Variants in DDR1 observed in about 807,000 individuals in gnomAD.
DDR1 encodes discoidin domain receptor tyrosine kinase 1.
In DDR1, 64 loss-of-function variants were observed where a neutral mutation model predicts 97.4. That is an observed-to-expected ratio of 0.66 (90% CI 0.54 to 0.81). The LOEUF is 0.81. Among genes scored for constraint, DDR1 ranks in the 30% least tolerant of loss-of-function variants. The probability of loss-of-function intolerance (pLI) is 0.00; values close to 1 mark genes in which losing one functional copy is unlikely to be tolerated. For synonymous variants in DDR1, 458 were observed against 503.7 expected, an observed-to-expected ratio of 0.91 and a Z score of 1.21; for missense variants, 990 against 1,259.6, an observed-to-expected ratio of 0.79 and a Z score of 3.24.
At chr6:30,896,904 T>C in intron 13 of DDR1, 39 bp downstream of exon 13, 2 of 1,560,672 alleles carry the variant, frequency 1.3e-6, no homozygotes, top group Non-Finnish European at 1.7e-6. Flanking sequence ...CCCTATTGTG[T>C]GCTCTGATGC....
chr6:30,894,461 T>G lies in DDR1; in HGVS notation c.1348-45T>G, dbSNP rs2150390221. The stretch of plus-strand genomic sequence containing the variant: ...ATGGACACAGCAGAGGGCCAGGCCG[T>G]GTGTGCTGAGCAACACGGGTGATGC... On this transcript the variant is annotated intron_variant, in intron 10 of 17. Coordinates refer to ENST00000376568, the MANE Select transcript of DDR1 (RefSeq NM_001297654.2). This position sits in a 1 kb window ranked among gnomAD's most constrained non-coding sequence, Gnocchi z 5.7. The G allele has an allele frequency of 6.4e-7, 1 of 1,553,318 alleles. No homozygotes were observed. Among genetic ancestry groups the G allele is most frequent in the Non-Finnish European group, 8.7e-7 (1 of 1,146,072 alleles).
intron 12 of DDR1, among the ~76,000 whole-genome samples, chr6:30,895,804 T>C (rs1790547758): frequency 6.6e-6 from 1 of 152,176 alleles, no homozygotes. Flanking sequence ...GAGGTTGCTG[T>C]GGTGGCCCCA....
chr6:30,885,960 G>C, intron 1 of DDR1: 1 of 526,596 alleles, frequency 1.9e-6, no homozygotes. Context: ...GAGTGGAAGG[G>C]GGTGGGATTG....
At chr6:30,885,226 C>T (rs1431857809) in intron 1 of DDR1, 8 of 1,533,282 alleles carry the variant, frequency 5.2e-6, no homozygotes, top group Admixed American at 3.9e-5. Context: ...GAGAATGTCA[C>T]TGCCGGTGAG....
chr6:30,884,165 G>A (rs1784858042), upstream of DDR1: 2 of 152,482 alleles, frequency 1.3e-5, no homozygotes, highest in African/African-American at 4.8e-5. This position sits in a 1 kb window ranked among gnomAD's most constrained non-coding sequence, Gnocchi z 6.1. Context: ...TGGGGAAGCG[G>A]GGGTGGGCTG....
intron 1 of DDR1, among the ~76,000 whole-genome samples, chr6:30,887,417 C>T (rs762529067): frequency 1.2e-4 from 19 of 152,116 alleles, no homozygotes; most frequent in Non-Finnish European, 2.5e-4. Flanking sequence ...TTCATGTTAA[C>T]TCTTGTTATA....
At position 30,896,639 on chromosome 6, in the gene DDR1, T is replaced by G; in HGVS notation, c.1643T>G (p.Met548Arg). 1 of 1,613,612 alleles carries G rather than the reference T, an allele frequency of 6.2e-7. No individual in the cohort carries two copies. Among genetic ancestry groups the G allele is most frequent in the Non-Finnish European group, 8.5e-7 (1 of 1,179,822 alleles). Residue 548 changes from methionine (M) to arginine (R), a missense_variant, in exon 13 of 18, where the codon ATG becomes AGG. Physicochemically the swap from Met to Arg is moderately conservative, Grantham distance 91 (BLOSUM62 -1). Transcript: ENST00000376568. ...CCTGCAGCCTACAGTGGGGACTATATGGAGCCTGAGAAGCCAGGCGCCCCG... is the reference window on the plus strand; with the variant it reads ...CCTGCAGCCTACAGTGGGGACTATAGGGAGCCTGAGAAGCCAGGCGCCCCG... Reference protein sequence around the residue: ...TNTQAYSGDYMEPEKPGAPLL... With the variant: ...TNTQAYSGDYREPEKPGAPLL...
At position 30,889,020 on chromosome 6, in the gene DDR1, A is replaced by G. The variant is rs1348714888; in HGVS notation, c.188+10A>G. 6.2e-7 allele frequency: 1 copy of G among 1,612,634 alleles called. No homozygotes were observed. The highest frequency in any genetic ancestry group is 1.7e-5 in the Admixed American group (1 of 60,018). ...CCGCCCGCCACAGCAGGTACTTGGCACACCTGGCACACTTGTAGCTGCCCC... is the reference window on the plus strand; with the variant it reads ...CCGCCCGCCACAGCAGGTACTTGGCGCACCTGGCACACTTGTAGCTGCCCC... On this transcript the variant is annotated intron_variant, in intron 3 of 17. Transcript: ENST00000376568. This position sits in a 1 kb window ranked among gnomAD's most constrained non-coding sequence, Gnocchi z 4.9.
chr6:30,893,476 G>C, intron 10 of DDR1, 53 bp downstream of exon 10: 1 of 1,556,824 alleles, frequency 6.4e-7, no homozygotes, highest in Non-Finnish European at 8.6e-7. Context: ...GCCCCAGCAC[G>C]AGCCAGCGTC....
At chr6:30,892,580 T>C (rs2150360892) in intron 8 of DDR1, 38 bp downstream of exon 8, 3 of 1,525,834 alleles carry the variant, frequency 2.0e-6, no homozygotes, top group Non-Finnish European at 1.8e-6. Context: ...GTCCCTGAAA[T>C]TGACAACTGA....
In DDR1 at chr6:30,897,115, A is replaced by G; in HGVS notation, c.1971A>G (p.Leu657=). The part of the protein sequence containing the change: ...GHPLLVAVKI[L]RPDATKNARN... ...CTTTGCTGGTAGCTGTCAAGATCTT[A>G]CGGCCAGATGCCACCAAGAATGCCA... Residue 657 remains leucine, a synonymous_variant, in exon 14 of 18, where the codon TTA becomes TTG. Coordinates refer to ENST00000376568, the MANE Select transcript of DDR1 (RefSeq NM_001297654.2). The surrounding 1 kb of genome is among the most constrained non-coding windows in gnomAD (Gnocchi z 5.2). 1 of 1,613,976 alleles carries G rather than the reference A, an allele frequency of 6.2e-7. No homozygotes were observed. Among genetic ancestry groups the G allele is most frequent in the Non-Finnish European group, 8.5e-7 (1 of 1,179,974 alleles).
Position 30,889,485 on chromosome 6 carries a change from G to A in DDR1, c.417+55G>A, listed in dbSNP as rs1487788732. ...AGGTTGGCTCTCCTCACTTCCAGCT[G>A]TACTTTAAACACCACCTATACGCTG... On this transcript the variant is annotated intron_variant, in intron 4 of 17. Transcript: ENST00000376568. This position sits in a 1 kb window ranked among gnomAD's most constrained non-coding sequence, Gnocchi z 4.9. The A allele has an allele frequency of 1.5e-6, 2 of 1,339,326 alleles. No individual in the cohort carries two copies. The highest frequency in any genetic ancestry group is 2.0e-6 in the Non-Finnish European group (2 of 1,004,356). The allele number at this position is 1,339,326 out of a possible 1,614,324, so 83.0% of individuals were successfully genotyped here.
Position 30,897,127 on chromosome 6 carries a change from C to T in DDR1, c.1983C>T (p.Ala661=), listed in dbSNP as rs141617357. ...CTGTCAAGATCTTACGGCCAGATGC[C>T]ACCAAGAATGCCAGGTGAGGACCAG... is the stretch of plus-strand genomic sequence containing the variant. The part of the protein sequence containing the change: ...LVAVKILRPD[A]TKNARNDFLK... Residue 661 remains alanine (A), a synonymous_variant, in exon 14 of 18, where the codon GCC becomes GCT. Transcript: ENST00000376568. This position sits in a 1 kb window ranked among gnomAD's most constrained non-coding sequence, Gnocchi z 5.2. 1.4e-3 allele frequency: 2,339 copies of T among 1,613,868 alleles called. 2 individuals are homozygous for T. Among genetic ancestry groups the T allele is most frequent in the Non-Finnish European group, 1.8e-3 (2,126 of 1,179,952 alleles).
At chr6:30,885,071 C>T in intron 1 of DDR1, 1 of 836,888 alleles carries the variant, frequency 1.2e-6, no homozygotes, top group Non-Finnish European at 1.9e-6. Flanking sequence ...TGGCCAGTCC[C>T]TGCGGGCATC....
At chr6:30,893,243 T>C (rs775472685) in intron 9 of DDR1, 29 bp from the exon 10 acceptor site, 96 of 1,600,814 alleles carry the variant, frequency 6.0e-5, no homozygotes, top group Non-Finnish European at 7.8e-5. Context: ...GGGACCCTCC[T>C]GTGGTGCTGA....
At position 30,897,872 on chromosome 6, in the gene DDR1, G is replaced by C. The variant is rs1303181059; in HGVS notation, c.2217-201G>C. Reference sequence around the variant, plus strand: ...CTCACTCCCCTCTGAGTCCAGATTGGGGAGCACAATAAAAGAAGAGCCCCC... The same window carrying C: ...CTCACTCCCCTCTGAGTCCAGATTGCGGAGCACAATAAAAGAAGAGCCCCC... On this transcript the variant is annotated intron_variant, in intron 15 of 17. Coordinates refer to ENST00000376568, the MANE Select transcript of DDR1 (RefSeq NM_001297654.2). The surrounding 1 kb of genome is among the most constrained non-coding windows in gnomAD (Gnocchi z 5.2). Among the ~76,000 whole-genome samples, 2 of 152,186 alleles carry C rather than the reference G, an allele frequency of 1.3e-5. No homozygotes were observed. The highest frequency in any genetic ancestry group is 2.9e-5 in the Non-Finnish European group (2 of 68,024).
chr6:30,887,361 T>C (rs1786242999), intron 1 of DDR1, among the ~76,000 whole-genome samples: 1 of 152,250 alleles, frequency 6.6e-6, no homozygotes, highest in Non-Finnish European at 1.5e-5. Context: ...TTTAGAAAAA[T>C]AGTACAATCA....
Position 30,889,386 on chromosome 6 carries a change from G to A in DDR1, c.373G>A (p.Asp125Asn). 6.3e-7 allele frequency: 1 copy of A among 1,595,644 alleles called. No individual in the cohort carries two copies. The highest frequency in any genetic ancestry group is 8.5e-7 in the Non-Finnish European group (1 of 1,171,004). The change falls in exon 4 of 18, where the codon GAT becomes AAT. Residue 125 changes from aspartate to asparagine, a missense_variant. Asp to Asn is a conservative substitution (Grantham distance 23, BLOSUM62 1). Coordinates refer to ENST00000376568, the MANE Select transcript of DDR1 (RefSeq NM_001297654.2). This position sits in a 1 kb window ranked among gnomAD's most constrained non-coding sequence, Gnocchi z 4.9. Reference sequence around the variant, plus strand: ...GAGCTACCGGCTGCGTTACTCCCGGGATGGTCGCCGCTGGATGGGCTGGAA... The same window carrying A: ...GAGCTACCGGCTGCGTTACTCCCGGAATGGTCGCCGCTGGATGGGCTGGAA... ...SRSYRLRYSR[D>N]GRRWMGWKDR...
At position 30,896,631 on chromosome 6, in the gene DDR1, G is replaced by C. The variant is rs1307890687; in HGVS notation, c.1635G>C (p.Gly545=). Residue 545 remains glycine, a synonymous_variant, in exon 13 of 18, where the codon GGG becomes GGC. Coordinates refer to ENST00000376568, the MANE Select transcript of DDR1 (RefSeq NM_001297654.2). Reference sequence around the variant, plus strand: ...CCCTCACCCCTGCAGCCTACAGTGGGGACTATATGGAGCCTGAGAAGCCAG... The same window carrying C: ...CCCTCACCCCTGCAGCCTACAGTGGCGACTATATGGAGCCTGAGAAGCCAG... The part of the protein sequence containing the change: ...AKPTNTQAYS[G]DYMEPEKPGA... 2 of 1,613,494 alleles carry C rather than the reference G, an allele frequency of 1.2e-6. No individual in the cohort carries two copies. The highest frequency in any genetic ancestry group is 1.7e-6 in the Non-Finnish European group (2 of 1,179,776).
Sources: gnomAD v4.1 joint callset for allele counts (sites outside exome capture counted in the v4.1 genomes callset) on GRCh38, gnomAD v4.1.1 for gene constraint, Gnocchi (gnomAD v3.1) non-coding constraint, MANE v1.5 for transcripts, NCBI Gene and HGNC (gene_info 2026-07-23, HGNC 2026-07-21) for gene names.